The following HDAC9 variants were observed in gnomAD, a reference collection of about 807,000 sequenced individuals.
The protein encoded by HDAC9 is MEF-2 interacting transcription repressor (MITR) protein.
Under a neutral mutation model 139.4 loss-of-function variants are expected in HDAC9, and 41 were observed. That is an observed-to-expected ratio of 0.29 (90% confidence interval 0.23 to 0.38). The LOEUF is 0.38. Among genes scored for constraint, HDAC9 ranks in the 10% least tolerant of loss-of-function variants. The pLI, the probability that HDAC9 is intolerant of heterozygous loss-of-function variation, is 1.00. For missense variants in HDAC9, 1,147 were observed against 1,297.0 expected (o/e 0.88, Z 1.78); for synonymous variants, 517 against 476.2 (o/e 1.09, Z -1.12).
chr7:18,481,054 C>T (rs868407348), intron 1 of HDAC9, among the ~76,000 whole-genome samples: 10 of 152,124 alleles, frequency 6.6e-5, no homozygotes, highest in Admixed American at 2.0e-4. Context: ...CCCATCACCC[C>T]GCTTCACTGT....
At chr7:18,228,512 T>G (rs1793225030) in intron 2 of HDAC9, among the ~76,000 whole-genome samples, 1 of 152,118 alleles carries the variant, frequency 6.6e-6, no homozygotes, top group African/African-American at 2.4e-5. Flanking sequence ...ATAAACAAAT[T>G]ATATTTCCTT....
intron 1 of HDAC9, among the ~76,000 whole-genome samples, chr7:18,477,467 A>G (rs544699763): frequency 1.6e-4 from 24 of 152,302 alleles, no homozygotes; most frequent in Non-Finnish European, 1.0e-4. Flanking sequence ...GAACCAAAAG[A>G]CTGCATTTAC....
At chr7:18,390,015 G>T (rs1223578442) in intron 1 of HDAC9, among the ~76,000 whole-genome samples, 1 of 143,798 alleles carries the variant, frequency 7.0e-6, no homozygotes, top group African/African-American at 2.6e-5. Context: ...GATATTTTTA[G>T]ATCTCAGTTG....
In HDAC9 at chr7:18,889,857, C is replaced by T. The variant is rs79375699; in HGVS notation, c.2803+15261C>T. Among the ~76,000 whole-genome samples, 33 of 152,268 alleles carry T rather than the reference C, an allele frequency of 2.2e-4. No individual in the cohort carries two copies. In the East Asian group the frequency reaches 6.2e-3, roughly 29 times the overall value. On this transcript the variant is annotated intron_variant, in intron 22 of 25. Coordinates refer to ENST00000686413, the MANE Select transcript of HDAC9 (RefSeq NM_178425.4). Reference sequence around the variant, plus strand: ...GCACTACCGGCCTGTGATACCATGCCCAACTCATTTTCCTGTAAAAAATTT... The same window carrying T: ...GCACTACCGGCCTGTGATACCATGCTCAACTCATTTTCCTGTAAAAAATTT...
In HDAC9 at chr7:18,154,846, G is replaced by A. The variant is rs17138689; in HGVS notation, c.-96-7383G>A. On this transcript the variant is annotated intron_variant, in intron 1 of 12. Transcript: ENST00000417496. ...GTTTGGCTAGCTGATCATAACCCAT[G>A]CCTCCACGCAGGTGAGGTAGTAGAC... 2.6e-4 allele frequency among the ~76,000 whole-genome samples: 39 copies of A among 152,314 alleles called. No homozygotes were observed. In the East Asian group the frequency reaches 7.0e-3, roughly 27 times the overall value.
chr7:18,823,383 C>G lies in HDAC9; in HGVS notation c.2323-5778C>G, dbSNP rs80148026. 9.6e-3 allele frequency among the ~76,000 whole-genome samples: 1,464 copies of G among 152,196 alleles called. 15 individuals are homozygous for G. The highest frequency in any genetic ancestry group is 0.032 in the Admixed American group (486 of 15,284). On this transcript the variant is annotated intron_variant, in intron 17 of 25. Coordinates refer to ENST00000686413, the MANE Select transcript of HDAC9 (RefSeq NM_178425.4). Reference sequence around the variant, plus strand: ...ACTATAGTATGATTGCTGGGCACCACGTAGAGTTTATTTAAGGTTTTGTGG... The same window carrying G: ...ACTATAGTATGATTGCTGGGCACCAGGTAGAGTTTATTTAAGGTTTTGTGG...
rs148689326 is a variant in HDAC9, at chr7:18,455,222, A to T, written c.-41-41040A>T. Among the ~76,000 whole-genome samples, 1,170 of 152,270 alleles carry T rather than the reference A, an allele frequency of 7.7e-3. 15 individuals carry two copies. Among genetic ancestry groups the T allele is most frequent in the African/African-American group, 0.027 (1,107 of 41,572 alleles). The stretch of plus-strand genomic sequence containing the variant: ...AGCTTGTATATAGTCATGTAAATAA[A>T]GATAAAATTAGTTCTGTTTTTTCAG... On this transcript the variant is annotated intron_variant, in intron 1 of 3. Coordinates refer to the HDAC9 transcript ENST00000413509.
intron 24 of HDAC9, among the ~76,000 whole-genome samples, chr7:18,971,236 G>C (rs929209456): frequency 2.0e-5 from 3 of 152,182 alleles, no homozygotes; most frequent in African/African-American, 7.2e-5. Flanking sequence ...TCCTTAAAAA[G>C]TCCTGAAAAG....
At chr7:18,100,597 G>C (rs1389240123) in intron 1 of HDAC9, among the ~76,000 whole-genome samples, 4 of 152,028 alleles carry the variant, frequency 2.6e-5, no homozygotes, top group Non-Finnish European at 5.9e-5. Context: ...TTCATCTCTT[G>C]AAGTTCAATG....
intron 5 of HDAC9, 73 bp from the exon 6 acceptor site, chr7:18,593,835 G>A: frequency 6.6e-7 from 1 of 1,508,626 alleles, no homozygotes; most frequent in Non-Finnish European, 9.2e-7. Context: ...TACAGCGTGT[G>A]CAGCTGATTA....
intron 1 of HDAC9, among the ~76,000 whole-genome samples, chr7:18,106,390 T>C (rs1000592768): frequency 1.3e-5 from 2 of 152,168 alleles, no homozygotes; most frequent in African/African-American, 2.4e-5. Context: ...CTTGCACTAG[T>C]CTGCTAATCT....
At chr7:18,091,731 C>G (rs1288407676) in intron 1 of HDAC9, among the ~76,000 whole-genome samples, 1 of 152,136 alleles carries the variant, frequency 6.6e-6, no homozygotes, top group African/African-American at 2.4e-5. Context: ...GGGCTGCAAT[C>G]CCAACAGAAG....
intron 1 of HDAC9, among the ~76,000 whole-genome samples, chr7:18,362,900 A>G (rs1783892658): frequency 6.6e-6 from 1 of 152,166 alleles, no homozygotes; most frequent in African/African-American, 2.4e-5. Flanking sequence ...TCCTCTAGTA[A>G]AAATCTATGC....
At chr7:18,880,846 G>T (rs1032164171) in intron 22 of HDAC9, among the ~76,000 whole-genome samples, 2 of 132,066 alleles carry the variant, frequency 1.5e-5, no homozygotes, top group African/African-American at 3.5e-5. Flanking sequence ...TAGTTGCCGG[G>T]GGGGGGGGAA....
At chr7:18,328,917 C>A (rs1273758332) in intron 1 of HDAC9, among the ~76,000 whole-genome samples, 4 of 151,736 alleles carry the variant, frequency 2.6e-5, no homozygotes, top group Non-Finnish European at 4.4e-5. Context: ...TAGAATTTGT[C>A]AGTGAAGTCA....
chr7:18,442,489 T>A (rs1791880794), intron 1 of HDAC9, among the ~76,000 whole-genome samples: 1 of 152,166 alleles, frequency 6.6e-6, no homozygotes, highest in African/African-American at 2.4e-5. Flanking sequence ...TCTCCACCTT[T>A]CCCCAATCTT....
chr7:18,709,741 A>C (rs1444081490), intron 12 of HDAC9, among the ~76,000 whole-genome samples: 1 of 152,084 alleles, frequency 6.6e-6, no homozygotes, highest in East Asian at 1.9e-4. Flanking sequence ...ATAATAAAGC[A>C]CCTTTCTTGC....
chr7:18,457,517 A>T lies in HDAC9; in HGVS notation c.-41-38745A>T, dbSNP rs112775960. 8.3e-3 allele frequency among the ~76,000 whole-genome samples: 1,266 copies of T among 152,356 alleles called. 16 individuals carry two copies. The highest frequency in any genetic ancestry group is 0.029 in the African/African-American group (1,189 of 41,582). On this transcript the variant is annotated intron_variant, in intron 1 of 3. Transcript: ENST00000413509. ...AGTTTTAAAAATAATCTAATTATTC[A>T]TAAACTTTTAATTGAGAGTTTCTTT...
intron 21 of HDAC9, among the ~76,000 whole-genome samples, chr7:18,857,272 T>C (rs1012492555): frequency 3.9e-5 from 6 of 151,934 alleles, no homozygotes; most frequent in Middle Eastern, 3.2e-3. Flanking sequence ...AAGATTGGCA[T>C]TTTAATAGAA....
Sources: allele counts gnomAD v4.1 joint callset (sites outside exome capture counted in the v4.1 genomes callset), GRCh38; gene constraint gnomAD v4.1.1; transcripts MANE v1.5; gene names NCBI Gene and HGNC (gene_info 2026-07-23, HGNC 2026-07-21).